The following RANBP2 variants were observed in gnomAD, a reference collection of about 807,000 sequenced individuals.
RANBP2 encodes the protein RAN binding protein 2, also known as E3 SUMO-protein ligase RanBP2.
Under a neutral mutation model 303.6 loss-of-function variants are expected in RANBP2, and 57 were observed. The ratio of observed to expected loss-of-function variants is 0.19; its 90% CI spans 0.15 to 0.23. RANBP2 has a LOEUF of 0.23. Among genes scored for constraint, RANBP2 ranks in the 10% least tolerant of loss-of-function variants. RANBP2 has a pLI of 1.00. For synonymous variants in RANBP2, 1,167 were observed against 1,301.5 expected (o/e 0.90, Z 2.23); for missense variants, 3,138 against 3,780.8 (o/e 0.83, Z 4.46).
At chr2:108,745,064 T>A (rs1442875293) in intron 7 of RANBP2, among the ~76,000 whole-genome samples, 1 of 151,886 alleles carries the variant, frequency 6.6e-6, no homozygotes, top group Non-Finnish European at 1.5e-5. Context: ...TGTACTGTAG[T>A]TTTGGAGTTT....
chr2:108,787,856 A>T (rs985521021), downstream of RANBP2: 2 of 189,510 alleles, frequency 1.1e-5, no homozygotes, highest in East Asian at 3.7e-4. Flanking sequence ...GGGGAGGAAC[A>T]TGACGTTGGT....
At chr2:109,048,050 T>C in the RANBP2 span, among the ~76,000 whole-genome samples, 1 of 152,214 alleles carries the variant, frequency 6.6e-6, no homozygotes, top group Admixed American at 6.5e-5. Context: ...ATCATCCCAA[T>C]CAGCTGTTAA....
chr2:109,061,380 C>T, the RANBP2 span, among the ~76,000 whole-genome samples: 1 of 152,142 alleles, frequency 6.6e-6, no homozygotes, highest in African/African-American at 2.4e-5. Flanking sequence ...GTTTCCTTGA[C>T]ATCATTTGTC....
At chr2:109,265,038 T>C in the RANBP2 span, among the ~76,000 whole-genome samples, 2 of 152,256 alleles carry the variant, frequency 1.3e-5, no homozygotes, top group African/African-American at 4.8e-5. Context: ...TGGCCAGCTC[T>C]TGTGGACCGC....
chr2:109,565,005 T>A, the RANBP2 span, among the ~76,000 whole-genome samples: 1 of 152,198 alleles, frequency 6.6e-6, no homozygotes, highest in Admixed American at 6.5e-5. Flanking sequence ...ATAGAACACA[T>A]TTATGATCCT....
the RANBP2 span, chr2:109,432,411 C>T: frequency 6.5e-7 from 1 of 1,531,624 alleles, no homozygotes; most frequent in Non-Finnish European, 8.8e-7. Flanking sequence ...GGTTGGGTTC[C>T]TCCAAAGACA....
chr2:108,793,962 A>G, the RANBP2 span, among the ~76,000 whole-genome samples: 17 of 152,294 alleles, frequency 1.1e-4, no homozygotes, highest in African/African-American at 4.1e-4. Context: ...TAGCATCTGT[A>G]TAGCCAAATC....
At chr2:109,038,421 C>G in the RANBP2 span, among the ~76,000 whole-genome samples, 1 of 152,070 alleles carries the variant, frequency 6.6e-6, no homozygotes, top group African/African-American at 2.4e-5. Flanking sequence ...ATTGCTTAAG[C>G]CTGGGAGTGC....
the RANBP2 span, among the ~76,000 whole-genome samples, chr2:108,829,464 A>T: frequency 6.6e-6 from 1 of 151,392 alleles, no homozygotes; most frequent in African/African-American, 2.5e-5. Context: ...TTTATTTAAA[A>T]AATAAACATG....
At chr2:109,672,285 C>T in the RANBP2 span, among the ~76,000 whole-genome samples, 1 of 152,238 alleles carries the variant, frequency 6.6e-6, no homozygotes, top group Non-Finnish European at 1.5e-5. Flanking sequence ...TTTCATCTCT[C>T]TCACATATTA....
the RANBP2 span, among the ~76,000 whole-genome samples, chr2:109,429,024 C>T: frequency 6.6e-6 from 1 of 152,186 alleles, no homozygotes; most frequent in African/African-American, 2.4e-5. Flanking sequence ...TGACAGGACT[C>T]AACTCACAGA....
chr2:109,086,112 C>T, the RANBP2 span, among the ~76,000 whole-genome samples: 1 of 152,198 alleles, frequency 6.6e-6, no homozygotes, highest in Non-Finnish European at 1.5e-5. Flanking sequence ...GAGTTTCCTT[C>T]CTTTTCATGG....
chr2:109,271,064 G>A, the RANBP2 span, among the ~76,000 whole-genome samples: 282 of 152,322 alleles, frequency 1.9e-3, 1 homozygote, highest in South Asian at 0.012. Flanking sequence ...AGTCTAAGGC[G>A]GAGTCAGTGT....
the RANBP2 span, among the ~76,000 whole-genome samples, chr2:109,577,912 CAAAAAAAAAAAAA>C: frequency 1.1e-4 from 10 of 92,344 alleles, no homozygotes; most frequent in African/African-American, 4.1e-4. Flanking sequence ...GACTTTGTCT[CAAAAAAAAAAAAA>C]AAAAAAAAAG....
the RANBP2 span, among the ~76,000 whole-genome samples, chr2:109,516,205 G>A: frequency 6.6e-6 from 1 of 152,074 alleles, no homozygotes; most frequent in Non-Finnish European, 1.5e-5. Flanking sequence ...TACAACACAT[G>A]GGCCCGAGCA....
the RANBP2 span, among the ~76,000 whole-genome samples, chr2:109,075,713 GA>G: frequency 6.7e-6 from 1 of 150,154 alleles, no homozygotes; most frequent in Non-Finnish European, 1.5e-5. Context: ...CAACATATTG[GA>G]TAAAGTAGAA....
At chr2:109,578,299 G>T in the RANBP2 span, among the ~76,000 whole-genome samples, 25 of 152,214 alleles carry the variant, frequency 1.6e-4, no homozygotes, top group East Asian at 4.8e-3. Context: ...CATGTCTAAA[G>T]CACAAGGGCA....
At chr2:109,102,726 C>A in the RANBP2 span, among the ~76,000 whole-genome samples, 3 of 152,078 alleles carry the variant, frequency 2.0e-5, no homozygotes, top group Admixed American at 6.6e-5. Flanking sequence ...GGAAGGAGAG[C>A]CCCAGCCCAT....
the RANBP2 span, among the ~76,000 whole-genome samples, chr2:109,682,720 G>C: frequency 6.6e-6 from 1 of 152,164 alleles, no homozygotes; most frequent in East Asian, 1.9e-4. Flanking sequence ...CAGGAAGACT[G>C]CTTGAGGCCA....
Sources: gnomAD v4.1 joint callset for allele counts (sites outside exome capture counted in the v4.1 genomes callset) on GRCh38, gnomAD v4.1.1 for gene constraint, MANE v1.5 for transcripts, NCBI Gene and HGNC (gene_info 2026-07-23, HGNC 2026-07-21) for gene names.